The following ESR1 variants were observed in gnomAD, a reference collection of about 807,000 sequenced individuals.
ESR1 encodes estrogen receptor.
ESR1 carries 12 observed loss-of-function variants against 52.7 expected under a neutral mutation model. That is an observed-to-expected ratio of 0.23 (90% CI 0.15 to 0.37). The LOEUF is 0.37. Among genes scored for constraint, ESR1 ranks in the 10% least tolerant of loss-of-function variants. The pLI is 1.00. For synonymous variants in ESR1, 305 were observed against 316.8 expected (o/e 0.96, Z 0.39); for missense variants, 584 against 779.7 (o/e 0.75, Z 2.99).
rs528984934 is a variant in ESR1 at position 151,871,434 on chromosome 6, A to G, written c.644-9221A>G. On this transcript the variant is annotated intron_variant, in intron 2 of 7. Coordinates refer to ENST00000206249, the MANE Select transcript of ESR1 (RefSeq NM_000125.4). ...ATTTTATTTTTTGAGATGGAGTTTCACTCTAGTCGCCCAGGCTGGAGTGCA... is the reference window on the plus strand; with the variant it reads ...ATTTTATTTTTTGAGATGGAGTTTCGCTCTAGTCGCCCAGGCTGGAGTGCA... 5.3e-5 allele frequency among the ~76,000 whole-genome samples: 8 copies of G among 151,112 alleles called. No homozygotes were observed. The South Asian group carries it at 1.5e-3, about 28-fold the overall frequency.
upstream of ESR1, among the ~76,000 whole-genome samples, chr6:151,687,555 C>A (rs1320527100): frequency 6.6e-6 from 1 of 152,172 alleles, no homozygotes; most frequent in Non-Finnish European, 1.5e-5. Flanking sequence ...TAAAAACACA[C>A]AGTCCAAATA....
At chr6:151,921,205 T>G (rs1285394337) in intron 3 of ESR1, among the ~76,000 whole-genome samples, 2 of 152,154 alleles carry the variant, frequency 1.3e-5, no homozygotes, top group Non-Finnish European at 2.9e-5. Context: ...TGTTCCTGCA[T>G]TAGTTTGCTG....
intron 1 of ESR1, among the ~76,000 whole-genome samples, chr6:151,692,916 T>G (rs990306804): frequency 1.3e-5 from 2 of 152,230 alleles, no homozygotes; most frequent in African/African-American, 4.8e-5. Context: ...AGCTGATACC[T>G]CTGCTCAGGT....
downstream of ESR1, among the ~76,000 whole-genome samples, chr6:152,104,014 G>A (rs929217407): frequency 2.2e-5 from 3 of 138,320 alleles, no homozygotes; most frequent in African/African-American, 8.5e-5. Flanking sequence ...ATCACCTTGG[G>A]CAAGTTGAGT....
chr6:151,674,962 C>A (rs1451828961), intron 1 of ESR1, among the ~76,000 whole-genome samples: 1 of 152,160 alleles, frequency 6.6e-6, no homozygotes, highest in African/African-American at 2.4e-5. Flanking sequence ...CATGTATTTT[C>A]AGACCTTTTA....
Position 152,102,851 on chromosome 6 carries a change from T to G in ESR1, c.*3885T>G. 4.4e-6 allele frequency: 1 copy of G among 226,746 alleles called. No individual in the cohort carries two copies. The highest frequency in any genetic ancestry group is 8.8e-6 in the Non-Finnish European group (1 of 113,778). The allele number at this position is 226,746 out of a possible 1,614,324, so 14.0% of individuals were successfully genotyped here. A position where few individuals can be genotyped will look rare whatever the true frequency, so the allele number is the denominator to read the frequency against. On this transcript the variant is annotated 3_prime_UTR_variant, in exon 8 of 8. Transcript: ENST00000206249. ...CCAAACCCATCGTCAGTGTGTGTGT[T>G]TAGAGCTGTGCACCCTAGAAACAAC...
intron 4 of ESR1, among the ~76,000 whole-genome samples, chr6:152,005,107 T>C (rs769986944): frequency 1.4e-4 from 21 of 151,974 alleles, no homozygotes; most frequent in Admixed American, 2.6e-4. Context: ...GCAGCAAACA[T>C]AGTGTGGAGG....
intron 6 of ESR1, among the ~76,000 whole-genome samples, chr6:152,077,986 T>C (rs1056355146): frequency 1.3e-5 from 2 of 152,168 alleles, no homozygotes; most frequent in East Asian, 3.9e-4. Context: ...ATGATTGCTT[T>C]TGAAATGTGA....
In ESR1 at chr6:152,098,678, C is replaced by T. The variant is rs1287178386; in HGVS notation, c.1554-54C>T. ...TTCCCCTTCTAGGGATTTCAGCACT[C>T]CTGGGGCTCGGGTTGGCTCTAAAGT... On this transcript the variant is annotated intron_variant, in intron 7 of 7. Transcript: ENST00000206249. This position sits in a 1 kb window ranked among gnomAD's most constrained non-coding sequence, Gnocchi z 5.1. 9 of 1,452,302 alleles carry T rather than the reference C, an allele frequency of 6.2e-6. No homozygotes were observed. The highest frequency in any genetic ancestry group is 8.6e-6 in the Non-Finnish European group (9 of 1,040,678). 90.0% of individuals were successfully genotyped at this position (1,452,302 alleles called of 1,614,324 possible). A position where few individuals can be genotyped will look rare whatever the true frequency, so the allele number is the denominator to read the frequency against.
chr6:151,696,290 G>A (rs1288059350), intron 1 of ESR1, among the ~76,000 whole-genome samples: 1 of 151,946 alleles, frequency 6.6e-6, no homozygotes, highest in Admixed American at 6.6e-5. Flanking sequence ...GGCCAACATA[G>A]TGAAATGCTA....
upstream of ESR1, chr6:151,805,393 A>C (rs1777686285): frequency 6.6e-6 from 1 of 152,234 alleles, no homozygotes; most frequent in African/African-American, 2.4e-5. Context: ...ACTATGATTC[A>C]CAGCAAGCCT....
chr6:151,850,437 G>GGAGGAGAGAGAGA (rs1786449584), intron 2 of ESR1, among the ~76,000 whole-genome samples: 1 of 148,612 alleles, frequency 6.7e-6, no homozygotes, highest in Admixed American at 6.7e-5. Context: ...GGAGAGAGAG[G>GGAGGAGAGAGAGA]GAGGAGAGAG....
intron 2 of ESR1, among the ~76,000 whole-genome samples, chr6:151,713,545 C>T (rs1174276092): frequency 6.6e-6 from 1 of 152,170 alleles, no homozygotes; most frequent in Admixed American, 6.6e-5. Flanking sequence ...AGGGATTTGA[C>T]TTCTTCCTGG....
At chr6:152,076,626 A>G (rs1422265175) in intron 6 of ESR1, among the ~76,000 whole-genome samples, 1 of 152,192 alleles carries the variant, frequency 6.6e-6, no homozygotes, top group Non-Finnish European at 1.5e-5. Flanking sequence ...CCTTGACAAG[A>G]ATACTGATAG....
chr6:151,992,774 G>A (rs1041134290), intron 4 of ESR1, among the ~76,000 whole-genome samples: 6 of 152,138 alleles, frequency 3.9e-5, no homozygotes, highest in African/African-American at 1.2e-4. Flanking sequence ...TGTGACTCGT[G>A]TAGAGCACTG....
At chr6:151,935,960 T>C (rs1274422839) in intron 3 of ESR1, among the ~76,000 whole-genome samples, 1 of 152,202 alleles carries the variant, frequency 6.6e-6, no homozygotes, top group Non-Finnish European at 1.5e-5. Flanking sequence ...GTGCCCTTTT[T>C]CATTATGTAA....
At chr6:151,801,051 G>GGTGTGTGTGTGTGTGTGTGTGTGTGT (rs3062689), upstream of ESR1, among the ~76,000 whole-genome samples, 1 of 147,612 alleles carries the variant, frequency 6.8e-6, no homozygotes, top group Admixed American at 6.8e-5. Context: ...TTGATTATGT[G>GGTGTGTGTGTGTGTGTGTGTGTGTGT]GTGTGTGTGT....
At chr6:151,946,593 C>G (rs1407272072) in intron 4 of ESR1, among the ~76,000 whole-genome samples, 1 of 152,046 alleles carries the variant, frequency 6.6e-6, no homozygotes, top group African/African-American at 2.4e-5. Context: ...TCATCATGTT[C>G]GTTTAAAAGA....
chr6:151,912,715 T>A (rs979485576), intron 3 of ESR1, among the ~76,000 whole-genome samples: 1 of 152,110 alleles, frequency 6.6e-6, no homozygotes, highest in African/African-American at 2.4e-5. Flanking sequence ...TTCTTTACAC[T>A]TATTAAAAAG....
Sources: gnomAD v4.1 joint callset for allele counts (sites outside exome capture counted in the v4.1 genomes callset) on GRCh38, gnomAD v4.1.1 for gene constraint, Gnocchi (gnomAD v3.1) non-coding constraint, MANE v1.5 for transcripts, NCBI Gene and HGNC (gene_info 2026-07-23, HGNC 2026-07-21) for gene names.